IQGAP2: variants seen among roughly 807,000 people sequenced by gnomAD.
IQGAP2 encodes the protein IQ motif containing GTPase activating protein 2, also known as ras GTPase-activating-like protein IQGAP2.
Under a neutral mutation model 201.3 loss-of-function variants are expected in IQGAP2, and 173 were observed. That is an observed-to-expected ratio of 0.86 (90% CI 0.76 to 0.98). The LOEUF is 0.98. Among genes scored for constraint, IQGAP2 ranks in the 50% least tolerant of loss-of-function variants. The pLI, the probability that IQGAP2 is intolerant of heterozygous loss-of-function variation, is 0.00. For missense variants in IQGAP2, 1,687 were observed against 1,864.8 expected, an observed-to-expected ratio of 0.90 and a Z score of 1.76; for synonymous variants, 675 against 673.9, an observed-to-expected ratio of 1.00 and a Z score of -0.03.
intron 10 of IQGAP2, 62 bp from the exon 11 acceptor site, chr5:76,600,750 C>T: frequency 6.4e-7 from 1 of 1,560,576 alleles, no homozygotes; most frequent in Non-Finnish European, 8.8e-7. Flanking sequence ...CATTGTAAAC[C>T]TCCATCATGC....
chr5:76,504,493 A>G (rs528129158), intron 2 of IQGAP2, among the ~76,000 whole-genome samples: 38 of 152,154 alleles, frequency 2.5e-4, no homozygotes, highest in African/African-American at 8.4e-4. Context: ...TACCTTCTCT[A>G]TATGGTATAG....
In IQGAP2 at chr5:76,695,561, T is replaced by C; in HGVS notation, c.4101T>C (p.Leu1367=). The change falls in exon 32 of 36, where the codon CTT becomes CTC. Residue 1367 remains leucine, a synonymous_variant. Coordinates refer to ENST00000274364, the MANE Select transcript of IQGAP2 (RefSeq NM_006633.5). ...QSMIEDAQLP[L]EQKKRKIQRN... is the part of the protein sequence containing the mutation. Reference sequence around the variant, plus strand: ...TGATTGAAGATGCACAGCTGCCTCTTGAGCAGAAGAAGAGGAAAATCCAGA... The same window carrying C: ...TGATTGAAGATGCACAGCTGCCTCTCGAGCAGAAGAAGAGGAAAATCCAGA... 1.9e-6 allele frequency: 3 copies of C among 1,614,176 alleles called. No individual in the cohort carries two copies. In the Admixed American group the frequency reaches 5.0e-5, roughly 27 times the overall value.
intron 2 of IQGAP2, among the ~76,000 whole-genome samples, chr5:76,473,836 G>T (rs1300953950): frequency 6.6e-6 from 1 of 152,162 alleles, no homozygotes; most frequent in Non-Finnish European, 1.5e-5. Context: ...CAAAAGGTAT[G>T]AGTAGCAAAC....
rs547711352 is a variant in IQGAP2, at chr5:76,508,227, G to A, written c.146+46558G>A. ...CACATGACTATAATCCCAGCTACTCGGGAGGCTGAGGCATGAGAATTGCTG... is the reference window on the plus strand; with the variant it reads ...CACATGACTATAATCCCAGCTACTCAGGAGGCTGAGGCATGAGAATTGCTG... On this transcript the variant is annotated intron_variant, in intron 2 of 35. Transcript: ENST00000274364. 3.3e-4 allele frequency among the ~76,000 whole-genome samples: 49 copies of A among 149,542 alleles called. No homozygotes were observed. In the South Asian group the frequency reaches 9.2e-3, roughly 28 times the overall value.
At chr5:76,574,460 CGCCTG>C (rs1426853655) in intron 4 of IQGAP2, among the ~76,000 whole-genome samples, 1 of 151,876 alleles carries the variant, frequency 6.6e-6, no homozygotes, top group African/African-American at 2.4e-5. Context: ...TGCACCACCA[CGCCTG>C]GCTAATGTTG....
chr5:76,615,580 A>G (rs1748873424), intron 13 of IQGAP2: 1 of 152,218 alleles, frequency 6.6e-6, no homozygotes, highest in South Asian at 2.1e-4. Context: ...GGAATCTTTT[A>G]TGCTTAAAGT....
Position 76,652,744 on chromosome 5 carries a change from C to A in IQGAP2, c.2095-6C>A, listed in dbSNP as rs866546586. 1 of 1,601,040 alleles carries A rather than the reference C, an allele frequency of 6.2e-7. No individual in the cohort carries two copies. ...AAATAATTCTATAACCCACTCTTTT[C>A]CTTAGGCTTTTTGGAAAGGATATAA... On this transcript the variant is annotated splice_region_variant and splice_polypyrimidine_tract_variant and intron_variant, in intron 17 of 35. Transcript: ENST00000274364.
At chr5:76,504,112 A>G (rs752959398) in intron 2 of IQGAP2, among the ~76,000 whole-genome samples, 2 of 152,212 alleles carry the variant, frequency 1.3e-5, no homozygotes, top group Non-Finnish European at 2.9e-5. Flanking sequence ...TTTAGAGCAT[A>G]GCGTGCTAAC....
At chr5:76,677,764 A>G (rs1744946646) in intron 28 of IQGAP2, among the ~76,000 whole-genome samples, 2 of 152,008 alleles carry the variant, frequency 1.3e-5, no homozygotes, top group South Asian at 4.1e-4. Flanking sequence ...CCCTATCTCT[A>G]CTAAAAATTT....
chr5:76,644,960 A>G (rs1013484294), intron 17 of IQGAP2, among the ~76,000 whole-genome samples: 11 of 152,146 alleles, frequency 7.2e-5, no homozygotes, highest in Non-Finnish European at 1.6e-4. Context: ...TCAACCCACC[A>G]TCTAGATTAG....
intron 2 of IQGAP2, among the ~76,000 whole-genome samples, chr5:76,532,496 G>C (rs370635413): frequency 6.6e-6 from 1 of 151,882 alleles, no homozygotes; most frequent in Non-Finnish European, 1.5e-5. Context: ...TGGGGGGGTA[G>C]AAGGTGATAG....
At chr5:76,445,082 C>A (rs1753297088) in intron 1 of IQGAP2, among the ~76,000 whole-genome samples, 1 of 152,098 alleles carries the variant, frequency 6.6e-6, no homozygotes, top group Non-Finnish European at 1.5e-5. Flanking sequence ...CAGTACATCA[C>A]GGTGAGGGGT....
chr5:76,687,931 C>T (rs1425416167), intron 30 of IQGAP2, among the ~76,000 whole-genome samples: 2 of 152,148 alleles, frequency 1.3e-5, no homozygotes, highest in Non-Finnish European at 2.9e-5. Context: ...CTTCCCGAAA[C>T]CATCCCCCAC....
intron 2 of IQGAP2, among the ~76,000 whole-genome samples, chr5:76,493,769 C>T (rs1358819438): frequency 3.9e-5 from 6 of 152,110 alleles, no homozygotes; most frequent in African/African-American, 1.2e-4. Context: ...CAATATTTGT[C>T]GAATGATTTG....
At chr5:76,627,905 A>G (rs954168201) in intron 14 of IQGAP2, among the ~76,000 whole-genome samples, 1 of 152,186 alleles carries the variant, frequency 6.6e-6, no homozygotes, top group African/African-American at 2.4e-5. Flanking sequence ...CTAGCTGATC[A>G]TGGTGCAACT....
chr5:76,406,525 A>G (rs1025742910), intron 1 of IQGAP2, among the ~76,000 whole-genome samples: 2 of 152,286 alleles, frequency 1.3e-5, no homozygotes, highest in African/African-American at 4.8e-5. Flanking sequence ...TATTGTATGT[A>G]TAGTATTTTT....
At chr5:76,434,153 A>T (rs1752526855) in intron 1 of IQGAP2, among the ~76,000 whole-genome samples, 1 of 152,182 alleles carries the variant, frequency 6.6e-6, no homozygotes, top group South Asian at 2.1e-4. Flanking sequence ...CAAACACCTG[A>T]TCCACTTTTG....
chr5:76,478,609 C>T (rs916438150), intron 2 of IQGAP2, among the ~76,000 whole-genome samples: 2 of 152,180 alleles, frequency 1.3e-5, no homozygotes, highest in Admixed American at 1.3e-4. Flanking sequence ...ATCCCAGCTA[C>T]AGGCCGGGCC....
intron 2 of IQGAP2, among the ~76,000 whole-genome samples, chr5:76,521,756 C>A (rs1358222595): frequency 1.3e-5 from 2 of 152,188 alleles, no homozygotes; most frequent in African/African-American, 4.8e-5. Context: ...TACTTCAGAA[C>A]CACCTGGAGG....
Sources: allele counts gnomAD v4.1 joint callset (sites outside exome capture counted in the v4.1 genomes callset), GRCh38; gene constraint gnomAD v4.1.1; transcripts MANE v1.5; gene names NCBI Gene and HGNC (gene_info 2026-07-23, HGNC 2026-07-21).